The following SLC38A9 variants were observed in gnomAD, a reference collection of about 807,000 sequenced individuals.
The protein encoded by SLC38A9 is solute carrier family 38 member 9.
In SLC38A9, 48 loss-of-function variants were observed where a neutral mutation model predicts 62.3. The observed-to-expected ratio is 0.77, with a 90% CI of 0.61 to 0.98. The LOEUF is 0.98. SLC38A9 is among the 50% of genes least tolerant of loss of function. The pLI, the probability that SLC38A9 is intolerant of heterozygous loss-of-function variation, is 0.00. For synonymous variants in SLC38A9, 204 were observed against 227.7 expected, an observed-to-expected ratio of 0.90 and a Z score of 0.94; for missense variants, 541 against 679.8, an observed-to-expected ratio of 0.80 and a Z score of 2.27.
chr5:55,634,574 A>C (rs942898930), intron 13 of SLC38A9: 2 of 152,132 alleles, frequency 1.3e-5, no homozygotes, highest in Non-Finnish European at 2.9e-5. Context: ...GCTTTGTATG[A>C]GTTTGTTCAT....
intron 12 of SLC38A9, among the ~76,000 whole-genome samples, chr5:55,643,837 A>C (rs952781950): frequency 6.6e-6 from 1 of 152,166 alleles, no homozygotes; most frequent in Admixed American, 6.5e-5. Context: ...TCTGATATCA[A>C]TTTGGCCACT....
At chr5:55,647,161 ATTTATTTTAT>A (rs928845959) in intron 11 of SLC38A9, among the ~76,000 whole-genome samples, 1 of 127,792 alleles carries the variant, frequency 7.8e-6, no homozygotes, top group African/African-American at 2.8e-5. Flanking sequence ...AGGTTATGCA[ATTTATTTTAT>A]TTTATTTTAT....
At chr5:55,710,217 T>C (rs1244030490) in intron 2 of SLC38A9, among the ~76,000 whole-genome samples, 1 of 151,312 alleles carries the variant, frequency 6.6e-6, no homozygotes, top group East Asian at 1.9e-4. Context: ...TTTTTTTTTT[T>C]TTTAAGACAG....
intron 14 of SLC38A9, among the ~76,000 whole-genome samples, chr5:55,630,081 C>T (rs1743162658): frequency 6.6e-6 from 1 of 152,100 alleles, no homozygotes; most frequent in South Asian, 2.1e-4. Flanking sequence ...AAGAAGCTAC[C>T]ACTCGTCAGG....
intron 2 of SLC38A9, among the ~76,000 whole-genome samples, chr5:55,705,092 G>C (rs1200295292): frequency 2.0e-5 from 3 of 152,280 alleles, no homozygotes; most frequent in Non-Finnish European, 2.9e-5. Context: ...GAAAAAATAT[G>C]TATTGCCTTA....
Position 55,627,945 on chromosome 5 carries a change from A to T in SLC38A9, c.1466T>A (p.Val489Glu). 1 of 1,612,834 alleles carries T rather than the reference A, an allele frequency of 6.2e-7. No individual in the cohort carries two copies. Among genetic ancestry groups the T allele is most frequent in the Non-Finnish European group, 8.5e-7 (1 of 1,179,128 alleles). ...FHVLILNLII[V>E]GAGVIMACFY... ...ACAGGCCATGATCACTCCAGCTCCC[A>T]CAATAATTAGATTAAGAATCAGCAC... The change falls in exon 15 of 16, where the codon GTG becomes GAG. Residue 489 changes from valine (V) to glutamate (E), a missense_variant. Coordinates refer to ENST00000396865, the MANE Select transcript of SLC38A9 (RefSeq NM_173514.4).
At chr5:55,649,598 G>C (rs1197849280) in intron 10 of SLC38A9, among the ~76,000 whole-genome samples, 1 of 152,206 alleles carries the variant, frequency 6.6e-6, no homozygotes, top group Non-Finnish European at 1.5e-5. Flanking sequence ...GAGGTGGGCA[G>C]ACCACCTGAG....
chr5:55,675,424 T>C (rs553007299), intron 3 of SLC38A9: 16 of 147,316 alleles, frequency 1.1e-4, no homozygotes, highest in Non-Finnish European at 2.2e-4. Context: ...TAGAAACATA[T>C]GCTTAAAGCT....
chr5:55,629,907 T>C (rs1743130291), intron 14 of SLC38A9, among the ~76,000 whole-genome samples: 1 of 150,978 alleles, frequency 6.6e-6, no homozygotes, highest in Non-Finnish European at 1.5e-5. Context: ...TATTGTAAAA[T>C]GAAGTGTGTC....
intron 4 of SLC38A9, 47 bp downstream of exon 4, chr5:55,672,516 T>C: frequency 6.2e-7 from 1 of 1,601,772 alleles, no homozygotes; most frequent in East Asian, 2.2e-5. Context: ...TTGTTCACTG[T>C]TCATTTCAAC....
At chr5:55,682,714 A>G (rs1200923943) in intron 3 of SLC38A9, among the ~76,000 whole-genome samples, 19 of 152,178 alleles carry the variant, frequency 1.2e-4, no homozygotes, top group Admixed American at 1.2e-3. Context: ...GTTCAAAGTT[A>G]CAAGGTGCTA....
At chr5:55,637,199 T>A (rs867915788) in intron 12 of SLC38A9, among the ~76,000 whole-genome samples, 1 of 152,174 alleles carries the variant, frequency 6.6e-6, no homozygotes, top group Non-Finnish European at 1.5e-5. Context: ...CACCATCCCA[T>A]AGACAGTTTT....
chr5:55,649,796 T>C (rs988879424), intron 10 of SLC38A9, among the ~76,000 whole-genome samples: 1 of 151,574 alleles, frequency 6.6e-6, no homozygotes, highest in African/African-American at 2.4e-5. Context: ...CACTCCAGCC[T>C]GGGCAACAGA....
intron 3 of SLC38A9, among the ~76,000 whole-genome samples, chr5:55,694,911 C>T (rs1037890665): frequency 3.9e-5 from 6 of 152,108 alleles, no homozygotes; most frequent in African/African-American, 1.2e-4. Context: ...CGCCACCACG[C>T]CCAGCTAATT....
At chr5:55,662,480 G>A (rs892916011) in intron 8 of SLC38A9, among the ~76,000 whole-genome samples, 4 of 152,034 alleles carry the variant, frequency 2.6e-5, no homozygotes, top group African/African-American at 9.7e-5. Context: ...GACCATCCTG[G>A]CCAACATGGT....
At chr5:55,630,019 A>G (rs918250228) in intron 14 of SLC38A9, among the ~76,000 whole-genome samples, 8 of 152,254 alleles carry the variant, frequency 5.3e-5, no homozygotes, top group African/African-American at 1.9e-4. Flanking sequence ...AGTGCACGAT[A>G]GACCAATTGG....
intron 2 of SLC38A9, among the ~76,000 whole-genome samples, chr5:55,698,253 C>A (rs894030920): frequency 1.1e-5 from 1 of 94,194 alleles, no homozygotes; most frequent in Non-Finnish European, 2.6e-5. Context: ...ATTTTTCCTG[C>A]GGAAAAAAAA....
At chr5:55,687,075 T>C (rs1226587509) in intron 3 of SLC38A9, among the ~76,000 whole-genome samples, 5 of 26,482 alleles carry the variant, frequency 1.9e-4, no homozygotes, top group African/African-American at 3.9e-4. Flanking sequence ...GTTTTTTTTT[T>C]TTTTTTTTTT....
intron 11 of SLC38A9, among the ~76,000 whole-genome samples, chr5:55,648,903 A>G (rs1171456603): frequency 1.3e-5 from 2 of 152,208 alleles, no homozygotes; most frequent in African/African-American, 4.8e-5. Flanking sequence ...TAAAAACCAC[A>G]AAACCACAAT....
Sources: allele counts gnomAD v4.1 joint callset (sites outside exome capture counted in the v4.1 genomes callset), GRCh38; gene constraint gnomAD v4.1.1; transcripts MANE v1.5; gene names NCBI Gene and HGNC (gene_info 2026-07-23, HGNC 2026-07-21).